The following KCNU1 variants were observed in gnomAD, a reference collection of about 807,000 sequenced individuals.
KCNU1 encodes potassium channel subfamily U member 1.
A neutral mutation model predicts 126.8 loss-of-function variants in KCNU1; 93 were observed. That is an observed-to-expected ratio of 0.73 (90% confidence interval 0.62 to 0.87). The LOEUF (loss-of-function observed/expected upper bound fraction) is 0.87. KCNU1 is among the 40% of genes least tolerant of loss of function. The pLI is 0.00. For synonymous variants in KCNU1, 523 were observed against 494.2 expected, an observed-to-expected ratio of 1.06 and a Z score of -0.77; for missense variants, 1,330 against 1,367.1, an observed-to-expected ratio of 0.97 and a Z score of 0.43.
At chr8:36,821,072 G>A (rs1345059863) in intron 10 of KCNU1, among the ~76,000 whole-genome samples, 4 of 152,114 alleles carry the variant, frequency 2.6e-5, no homozygotes, top group African/African-American at 9.7e-5. Context: ...AGAAGGGAAA[G>A]AAAGAGTTGA....
At chr8:36,931,185 T>C in intron 25 of KCNU1, 40 bp downstream of exon 25, 1 of 1,459,468 alleles carries the variant, frequency 6.9e-7, no homozygotes, top group Non-Finnish European at 9.4e-7. Flanking sequence ...TTCACTTCTT[T>C]ACCTCTCTGA....
At chr8:36,886,292 G>T (rs1028410774) in intron 19 of KCNU1, among the ~76,000 whole-genome samples, 2 of 152,094 alleles carry the variant, frequency 1.3e-5, no homozygotes, top group Non-Finnish European at 2.9e-5. Flanking sequence ...ATTTACCTCA[G>T]TTCTTATTAT....
chr8:36,890,465 T>C (rs1242800493), intron 19 of KCNU1, among the ~76,000 whole-genome samples: 1 of 151,950 alleles, frequency 6.6e-6, no homozygotes, highest in Non-Finnish European at 1.5e-5. Flanking sequence ...GTTAAAAATA[T>C]ATATTGCAAA....
intron 2 of KCNU1, among the ~76,000 whole-genome samples, chr8:36,803,430 G>A (rs1237476214): frequency 1.3e-5 from 2 of 151,940 alleles, no homozygotes; most frequent in African/African-American, 2.4e-5. Context: ...GCTTTTAATG[G>A]ACAGTTTCCA....
At chr8:36,825,055 C>T (rs927106918) in intron 10 of KCNU1, among the ~76,000 whole-genome samples, 1 of 152,180 alleles carries the variant, frequency 6.6e-6, no homozygotes, top group African/African-American at 2.4e-5. Flanking sequence ...GAACAATCTG[C>T]ACCTTACCAG....
chr8:36,845,703 A>G, intron 17 of KCNU1, 34 bp downstream of exon 17: 2 of 1,497,414 alleles, frequency 1.3e-6, no homozygotes, highest in Non-Finnish European at 1.9e-6. Flanking sequence ...AAAAGCACTA[A>G]AGCAACTACA....
intron 24 of KCNU1, among the ~76,000 whole-genome samples, chr8:36,929,680 G>A (rs1261139946): frequency 2.0e-5 from 3 of 152,070 alleles, no homozygotes; most frequent in Admixed American, 6.6e-5. Flanking sequence ...TAAAAGAACC[G>A]CTTAAGCAAC....
Position 36,784,395 on chromosome 8 carries a change from T to C in KCNU1, c.-16T>C. On this transcript the variant is annotated 5_prime_UTR_variant, in exon 1 of 27. Coordinates refer to ENST00000399881, the MANE Select transcript of KCNU1 (RefSeq NM_001031836.3). ...CATCAAATGACCTGGCAATTCCGTC[T>C]ACTGATGTCTCGAACATGTTTCAGA... 1 of 1,600,354 alleles carries C rather than the reference T, an allele frequency of 6.2e-7. No homozygotes were observed. Among genetic ancestry groups the C allele is most frequent in the Non-Finnish European group, 8.5e-7 (1 of 1,172,836 alleles).
chr8:36,902,032 A>G (rs1051089933), intron 19 of KCNU1, among the ~76,000 whole-genome samples: 4 of 152,128 alleles, frequency 2.6e-5, no homozygotes, highest in Non-Finnish European at 4.4e-5. Flanking sequence ...GTATGTTTCT[A>G]TGAGGATCAT....
At chr8:36,806,216 C>A in intron 4 of KCNU1, 53 bp from the exon 5 acceptor site, 1 of 1,161,260 alleles carries the variant, frequency 8.6e-7, no homozygotes, top group Admixed American at 2.1e-5. Context: ...CTAGTGTTCA[C>A]TTAAAATTCT....
chr8:36,838,481 A>G (rs1162709269), intron 14 of KCNU1, among the ~76,000 whole-genome samples: 1 of 152,142 alleles, frequency 6.6e-6, no homozygotes, highest in African/African-American at 2.4e-5. Context: ...ACTCGAGCTC[A>G]GGAGTTTGAG....
intron 22 of KCNU1, among the ~76,000 whole-genome samples, chr8:36,915,732 A>G (rs956201124): frequency 6.6e-6 from 1 of 152,166 alleles, no homozygotes; most frequent in Non-Finnish European, 1.5e-5. Flanking sequence ...TTCTGTCTCA[A>G]TGTCAGAGAA....
At chr8:36,911,950 C>T (rs113420044) in intron 22 of KCNU1, among the ~76,000 whole-genome samples, 1 of 152,218 alleles carries the variant, frequency 6.6e-6, no homozygotes, top group African/African-American at 2.4e-5. Flanking sequence ...AATTGACTAC[C>T]ATCCCCTCAA....
At chr8:36,808,595 C>T (rs905389689) in intron 6 of KCNU1, 123 bp from the exon 7 acceptor site, 15 of 646,450 alleles carry the variant, frequency 2.3e-5, no homozygotes, top group South Asian at 3.7e-5. Flanking sequence ...AATATGTTTT[C>T]GGGTAATGCC....
In KCNU1 at chr8:36,789,859, G is replaced by C. The variant is rs557805666; in HGVS notation, c.315+2434G>C. On this transcript the variant is annotated intron_variant, in intron 2 of 26. Coordinates refer to ENST00000399881, the MANE Select transcript of KCNU1 (RefSeq NM_001031836.3). ...ATTGCGGAGGCAAAGAGCTCCACAAGAGTTTACTGCAAGTACCAGAAGGAG... is the reference window on the plus strand; with the variant it reads ...ATTGCGGAGGCAAAGAGCTCCACAACAGTTTACTGCAAGTACCAGAAGGAG... Among the ~76,000 whole-genome samples the C allele has an allele frequency of 3.3e-5, 5 of 152,346 alleles. No individual in the cohort carries two copies. In the South Asian group the frequency reaches 1.0e-3, roughly 32 times the overall value.
In KCNU1 at chr8:36,826,725, A is replaced by AG. The variant is rs527535258; in HGVS notation, c.1107-6828dup. On this transcript the variant is annotated intron_variant, in intron 10 of 26. Transcript: ENST00000399881. ...ACATTTGATTCTTTTTTTTAAAAAA[A>AG]GTAACTTTTATTTTCATTTCAGGGG... is the stretch of plus-strand genomic sequence containing the variant. Among the ~76,000 whole-genome samples the AG allele has an allele frequency of 5.0e-3, 756 of 152,188 alleles. 9 individuals carry two copies. The highest frequency in any genetic ancestry group is 0.017 in the African/African-American group (717 of 41,552).
intron 24 of KCNU1, among the ~76,000 whole-genome samples, chr8:36,924,711 C>G (rs1808477609): frequency 1.3e-5 from 2 of 152,090 alleles, no homozygotes; most frequent in Non-Finnish European, 2.9e-5. Flanking sequence ...AATTAACTCA[C>G]CTGGAATTAA....
At chr8:36,904,729 C>T (rs1436317168) in intron 19 of KCNU1, among the ~76,000 whole-genome samples, 1 of 152,154 alleles carries the variant, frequency 6.6e-6, no homozygotes, top group Admixed American at 6.5e-5. Context: ...TTCCTTTCTC[C>T]TCTCCTGCCT....
chr8:36,801,307 A>G (rs532022283), intron 2 of KCNU1, among the ~76,000 whole-genome samples: 1 of 152,250 alleles, frequency 6.6e-6, no homozygotes, highest in East Asian at 1.9e-4. Context: ...TCCTCTCGTT[A>G]GTGTCCACAA....
Sources: allele counts gnomAD v4.1 joint callset (sites outside exome capture counted in the v4.1 genomes callset), GRCh38; gene constraint gnomAD v4.1.1; transcripts MANE v1.5; gene names NCBI Gene and HGNC (gene_info 2026-07-23, HGNC 2026-07-21).